Variants in PIGK observed in about 807,000 individuals in gnomAD.
PIGK encodes the protein GPI-anchor transamidase.
PIGK carries 42 observed loss-of-function variants against 50.6 expected under a neutral mutation model. That is an observed-to-expected ratio of 0.83 (90% CI 0.65 to 1.07). The LOEUF is 1.07. PIGK is among the 50% of genes least tolerant of loss of function. The pLI is 0.00. For missense variants in PIGK, 448 were observed against 488.7 expected (o/e 0.92, Z 0.78); for synonymous variants, 151 against 156.0 (o/e 0.97, Z 0.24).
intron 1 of PIGK, among the ~76,000 whole-genome samples, chr1:77,212,812 T>G (rs1346643612): frequency 1.3e-5 from 2 of 152,172 alleles, no homozygotes; most frequent in African/African-American, 4.8e-5. Context: ...ATAAATCAAA[T>G]GTTATTAGAT....
chr1:77,159,499 T>C (rs1655087262), intron 8 of PIGK, among the ~76,000 whole-genome samples: 1 of 152,108 alleles, frequency 6.6e-6, no homozygotes, highest in Admixed American at 6.5e-5. Context: ...CAGCTTCCAC[T>C]GTGTACCTGG....
chr1:77,105,341 T>G (rs746953879), intron 10 of PIGK, among the ~76,000 whole-genome samples: 17 of 151,968 alleles, frequency 1.1e-4, no homozygotes, highest in Non-Finnish European at 2.4e-4. Context: ...AAAGGCATTA[T>G]TCAGAAAGAA....
chr1:77,109,848 A>G (rs1476453411), intron 10 of PIGK, among the ~76,000 whole-genome samples: 3 of 152,208 alleles, frequency 2.0e-5, no homozygotes, highest in African/African-American at 7.2e-5. Flanking sequence ...ACATGATTGT[A>G]TATCTAGAAA....
At chr1:77,178,831 G>A (rs908766182) in intron 3 of PIGK, among the ~76,000 whole-genome samples, 4 of 152,182 alleles carry the variant, frequency 2.6e-5, no homozygotes, top group Non-Finnish European at 5.9e-5. Flanking sequence ...AAAGAAATGT[G>A]TGACCATGAG....
chr1:77,171,047 T>C (rs1655346981), intron 3 of PIGK, among the ~76,000 whole-genome samples: 1 of 146,762 alleles, frequency 6.8e-6, no homozygotes, highest in Non-Finnish European at 1.5e-5. Context: ...CTTCTCTTTT[T>C]TAAAACTTGA....
At chr1:77,173,213 A>C (rs1049508954) in intron 3 of PIGK, among the ~76,000 whole-genome samples, 1 of 152,228 alleles carries the variant, frequency 6.6e-6, no homozygotes, top group Non-Finnish European at 1.5e-5. Flanking sequence ...TTCCAAATGA[A>C]CAACGCAGTG....
intron 3 of PIGK, chr1:77,195,248 TG>T: frequency 7.9e-7 from 1 of 1,264,032 alleles, no homozygotes. Context: ...CCTGCAGCTG[TG>T]GAGACCTTGG....
At chr1:77,198,460 G>A (rs959808037) in intron 3 of PIGK, among the ~76,000 whole-genome samples, 3 of 151,836 alleles carry the variant, frequency 2.0e-5, no homozygotes, top group African/African-American at 7.2e-5. Context: ...TGTTTTAAAG[G>A]TACAAAGATT....
At chr1:77,111,797 A>T (rs1166964620) in intron 10 of PIGK, among the ~76,000 whole-genome samples, 1 of 152,032 alleles carries the variant, frequency 6.6e-6, no homozygotes. Flanking sequence ...TAAAAAGTAA[A>T]CATTAATTAT....
At chr1:77,145,941 A>G (rs1271511722) in intron 9 of PIGK, among the ~76,000 whole-genome samples, 1 of 152,206 alleles carries the variant, frequency 6.6e-6, no homozygotes, top group African/African-American at 2.4e-5. Flanking sequence ...GAATAAATAC[A>G]GATGCTGCTC....
At chr1:77,209,578 C>A (rs377171733) in intron 2 of PIGK, among the ~76,000 whole-genome samples, 18 of 152,082 alleles carry the variant, frequency 1.2e-4, no homozygotes, top group Non-Finnish European at 2.6e-4. Context: ...CATTCTTACA[C>A]TTAGGAATTT....
intron 8 of PIGK, among the ~76,000 whole-genome samples, chr1:77,158,415 C>T (rs537383153): frequency 3.9e-5 from 6 of 151,938 alleles, no homozygotes; most frequent in East Asian, 1.9e-4. Context: ...ACCAGCAGAG[C>T]GGGTTACTGC....
chr1:77,187,528 T>C (rs1655778663), intron 3 of PIGK, among the ~76,000 whole-genome samples: 1 of 152,180 alleles, frequency 6.6e-6, no homozygotes, highest in Non-Finnish European at 1.5e-5. Flanking sequence ...TCCTCCTACC[T>C]TTAAGTCAAC....
chr1:77,194,945 T>G, intron 3 of PIGK: 1 of 569,426 alleles, frequency 1.8e-6, no homozygotes, highest in African/African-American at 1.9e-5. Context: ...GAAAAAGCAC[T>G]GACTACTCCT....
At chr1:77,164,958 A>G (rs932927484) in intron 5 of PIGK, among the ~76,000 whole-genome samples, 1 of 152,170 alleles carries the variant, frequency 6.6e-6, no homozygotes, top group African/African-American at 2.4e-5. Flanking sequence ...AACCTTCTAC[A>G]AAAGATCAGG....
intron 1 of PIGK, 55 bp downstream of exon 1, chr1:77,219,255 G>C: frequency 7.0e-7 from 1 of 1,418,548 alleles, no homozygotes; most frequent in Non-Finnish European, 1.0e-6. Flanking sequence ...TCGGACATCT[G>C]CTGGAGGGCT....
chr1:77,200,225 G>T (rs1278858616), intron 3 of PIGK, among the ~76,000 whole-genome samples: 2 of 152,032 alleles, frequency 1.3e-5, no homozygotes, highest in Non-Finnish European at 2.9e-5. Flanking sequence ...CTACAAAAGG[G>T]TTGAAGTACA....
chr1:77,211,341 C>T (rs1209609537), intron 1 of PIGK, among the ~76,000 whole-genome samples: 1 of 151,602 alleles, frequency 6.6e-6, no homozygotes, highest in Non-Finnish European at 1.5e-5. Context: ...AAAACTGAAA[C>T]CGCATGGTTG....
intron 3 of PIGK, among the ~76,000 whole-genome samples, chr1:77,185,324 T>C (rs548568524): frequency 4.5e-4 from 69 of 152,302 alleles, no homozygotes; most frequent in African/African-American, 1.5e-3. Context: ...GTACATTACA[T>C]TGATGACATT....
Sources: gnomAD v4.1 joint callset for allele counts (sites outside exome capture counted in the v4.1 genomes callset) on GRCh38, gnomAD v4.1.1 for gene constraint, MANE v1.5 for transcripts, NCBI Gene and HGNC (gene_info 2026-07-23, HGNC 2026-07-21) for gene names.